Variants in AP5S1 observed in about 807,000 individuals in gnomAD.
The protein encoded by AP5S1 is adaptor related protein complex 5 subunit sigma 1.
AP5S1 carries 13 observed loss-of-function variants against 13.9 expected under a neutral mutation model. The observed-to-expected ratio is 0.94, with a 90% confidence interval of 0.61 to 1.49. The LOEUF (loss-of-function observed/expected upper bound fraction) is 1.49. AP5S1 is among the 40% of genes most tolerant of loss of function. The probability of loss-of-function intolerance (pLI) is 0.00; values close to 1 mark genes in which losing one functional copy is unlikely to be tolerated. For synonymous variants in AP5S1, 132 were observed against 121.8 expected (o/e 1.08, Z -0.55); for missense variants, 292 against 272.3 (o/e 1.07, Z -0.51).
In AP5S1 at chr20:3,821,412, G is replaced by A. The variant is rs1005867459; in HGVS notation, c.-17+654G>A. Among the ~76,000 whole-genome samples, 82 of 151,274 alleles carry A rather than the reference G, an allele frequency of 5.4e-4. 1 individual carries two copies. The highest frequency in any genetic ancestry group is 2.8e-4 in the Non-Finnish European group (19 of 67,888). The stretch of plus-strand genomic sequence containing the variant: ...TTTGAGACAAGAGTTTCCCTCTGTC[G>A]CCCAGGCTGAAGTGCAGTGGTGCGA... On this transcript the variant is annotated intron_variant, in intron 1 of 2. Coordinates refer to ENST00000615891, the MANE Select transcript of AP5S1 (RefSeq NM_018347.3).
chr20:3,822,012 C>G, intron 1 of AP5S1, 90 bp from the exon 2 acceptor site: 1 of 1,490,298 alleles, frequency 6.7e-7, no homozygotes, highest in Non-Finnish European at 9.0e-7. Flanking sequence ...TGGATACACT[C>G]CCAGACACTG....
chr20:3,826,011 A>G lies in AP5S1; in HGVS notation c.*1714A>G, dbSNP rs2089622471. ...ACCACTTCAGTTTACATTGATTTTC[A>G]TGATCTTCCTGTTACCAAGGAAGGT... On this transcript the variant is annotated 3_prime_UTR_variant, in exon 3 of 3. Coordinates refer to ENST00000615891, the MANE Select transcript of AP5S1 (RefSeq NM_018347.3). 1 of 151,656 alleles carries G rather than the reference A, an allele frequency of 6.6e-6. No homozygotes were observed. Among genetic ancestry groups the G allele is most frequent in the Admixed American group, 6.6e-5 (1 of 15,244 alleles). The allele number at this position is 151,656 out of a possible 1,614,324, so 9.4% of individuals were successfully genotyped here.
In AP5S1 at chr20:3,824,156, G is replaced by A. The variant is rs138405532; in HGVS notation, c.462G>A (p.Ala154=). 2.3e-5 allele frequency: 37 copies of A among 1,613,854 alleles called. No individual in the cohort carries two copies. The African/African-American group carries it at 2.8e-4, about 12-fold the overall frequency. Residue 154 remains alanine, a synonymous_variant, in exon 3 of 3, where the codon GCG becomes GCA. Transcript: ENST00000615891. ...TCCTTGACCACCTCCGGCTGCTGGC[G>A]CCCAGCACCAGCCTTCTGCTGCGGG... The part of the protein sequence containing the change: ...RLLLDHLRLL[A]PSTSLLLRAD...
At chr20:3,821,127 CCT>C (rs762591651) in intron 1 of AP5S1, among the ~76,000 whole-genome samples, 1 of 152,164 alleles carries the variant, frequency 6.6e-6, no homozygotes, top group Non-Finnish European at 1.5e-5. Context: ...CTTATTATTT[CCT>C]CTGTTTTTCT....
At chr20:3,823,103 G>A (rs1219335938) in intron 2 of AP5S1, among the ~76,000 whole-genome samples, 1 of 152,192 alleles carries the variant, frequency 6.6e-6, no homozygotes, top group Non-Finnish European at 1.5e-5. Flanking sequence ...GGCTCAGACT[G>A]GAAGGTGATT....
Position 3,824,172 on chromosome 20 carries a change from C to T in AP5S1, c.478C>T (p.Leu160=), listed in dbSNP as rs1292535465. 1.2e-6 allele frequency: 2 copies of T among 1,614,162 alleles called. No individual in the cohort carries two copies. The highest frequency in any genetic ancestry group is 1.7e-6 in the Non-Finnish European group (2 of 1,180,050). Residue 160 remains leucine (L), a synonymous_variant, in exon 3 of 3, where the codon CTG becomes TTG. Transcript: ENST00000615891. The stretch of plus-strand genomic sequence containing the variant: ...GCTGCTGGCGCCCAGCACCAGCCTT[C>T]TGCTGCGGGCTGACCGCATTGAGGG... The part of the protein sequence containing the change: ...LRLLAPSTSL[L]LRADRIEGIL...
rs1368603857 is a variant in AP5S1 at position 3,824,404 on chromosome 20, A to C, written c.*107A>C. 8.6e-7 allele frequency: 1 copy of C among 1,167,312 alleles called. No homozygotes were observed. Among genetic ancestry groups the C allele is most frequent in the African/African-American group, 1.5e-5 (1 of 64,740 alleles). 72.3% of individuals were successfully genotyped at this position (1,167,312 alleles called of 1,614,324 possible). A position where few individuals can be genotyped will look rare whatever the true frequency, so the allele number is the denominator to read the frequency against. On this transcript the variant is annotated 3_prime_UTR_variant, in exon 3 of 3. Transcript: ENST00000615891. The stretch of plus-strand genomic sequence containing the variant: ...AGCAGCTCTGATGTGCTGCTATACC[A>C]GGACAAGTGGGTGACACAAGCCTGC...
Position 3,824,229 on chromosome 20 carries a change from CT to C in AP5S1, c.536del (p.Leu179ArgfsTer31), listed in dbSNP as rs752569470. The C allele has an allele frequency of 6.2e-7, 1 of 1,614,230 alleles. No homozygotes were observed. Among genetic ancestry groups the C allele is most frequent in the South Asian group, 1.1e-5 (1 of 91,090 alleles). On this transcript the variant is annotated frameshift_variant, in exon 3 of 3. Coordinates refer to ENST00000615891, the MANE Select transcript of AP5S1 (RefSeq NM_018347.3). LOFTEE classifies it high-confidence loss of function. ...CACCCGCTTCCTGCCACATGGTCAG[CT>C]GCTTTTCCTCAACGACCAGTTTGTC... ...ILTRFLPHGQ[L>X]LFLNDQFVQG...
At chr20:3,823,266 T>G (rs1486014076) in intron 2 of AP5S1, among the ~76,000 whole-genome samples, 1 of 152,088 alleles carries the variant, frequency 6.6e-6, no homozygotes, top group Non-Finnish European at 1.5e-5. Context: ...TTCCTTTTTT[T>G]GAGATGGAGT....
intron 2 of AP5S1, 94 bp from the exon 3 acceptor site, chr20:3,823,777 T>C (rs991560788): frequency 1.8e-5 from 27 of 1,525,252 alleles, no homozygotes; most frequent in African/African-American, 1.4e-4. Flanking sequence ...ACTTGAGATA[T>C]GGGGATGATG....
chr20:3,822,239 A>G lies in AP5S1; in HGVS notation c.122A>G (p.His41Arg), dbSNP rs777705227. Residue 41 changes from histidine to arginine, a missense_variant, in exon 2 of 3, where the codon CAT becomes CGT. Coordinates refer to ENST00000615891, the MANE Select transcript of AP5S1 (RefSeq NM_018347.3). ...AEKSPDDPRP[H>R]GAERDRLLRK... ...AAGTCACCTGATGACCCACGGCCGC[A>G]TGGTGCCGAGAGGGACAGGCTTCTC... 3.7e-6 allele frequency: 6 copies of G among 1,614,128 alleles called. No individual in the cohort carries two copies. The highest frequency in any genetic ancestry group is 2.5e-6 in the Non-Finnish European group (3 of 1,180,016).
At chr20:3,821,874 TTTTC>T in intron 1 of AP5S1, 3 of 958,442 alleles carry the variant, frequency 3.1e-6, no homozygotes, top group Non-Finnish European at 3.7e-6. Context: ...TGTTTTTCTT[TTTTC>T]TTTTTTTTTT....
intron 2 of AP5S1, 146 bp from the exon 3 acceptor site, chr20:3,823,725 C>G: frequency 6.8e-7 from 1 of 1,471,288 alleles, no homozygotes; most frequent in Non-Finnish European, 8.9e-7. Flanking sequence ...GATTCTGTGG[C>G]CCTGGGCAGA....
Position 3,823,922 on chromosome 20 carries a change from C to T in AP5S1, c.228C>T (p.Pro76=), listed in dbSNP as rs1182006534. The T allele has an allele frequency of 5.6e-6, 9 of 1,604,580 alleles. No homozygotes were observed. Among genetic ancestry groups the T allele is most frequent in the South Asian group, 1.1e-5 (1 of 91,076 alleles). Residue 76 remains proline (P), a synonymous_variant, in exon 3 of 3, where the codon CCC becomes CCT. Coordinates refer to ENST00000615891, the MANE Select transcript of AP5S1 (RefSeq NM_018347.3). ...AGCAGCAGGCATCTGGCCGGCCCCC[C>T]ATGGACCTGCAGCCGCAATCCTCAG... ...RLQQQASGRP[P]MDLQPQSSDE...
chr20:3,825,843 G>A lies in AP5S1; in HGVS notation c.*1546G>A, dbSNP rs1463107892. ...CCCTGAGAAAAAGCCTTCAGGCAAT[G>A]TGGAGCTGGGCCTGCCTGCACCATG... On this transcript the variant is annotated 3_prime_UTR_variant, in exon 3 of 3. Transcript: ENST00000615891. The A allele has an allele frequency of 1.3e-5, 2 of 151,918 alleles. No individual in the cohort carries two copies. Among genetic ancestry groups the A allele is most frequent in the Non-Finnish European group, 2.9e-5 (2 of 67,990 alleles). The allele number at this position is 151,918 out of a possible 1,614,324, so 9.4% of individuals were successfully genotyped here.
chr20:3,823,444 G>C (rs2089598875), intron 2 of AP5S1: 1 of 665,762 alleles, frequency 1.5e-6, no homozygotes, highest in Admixed American at 6.3e-5. Flanking sequence ...GTAGAGACGG[G>C]GTTTCACTAT....
chr20:3,826,135 A>G lies in AP5S1; in HGVS notation c.*1838A>G, dbSNP rs2089623239. The G allele has an allele frequency of 6.6e-6, 1 of 152,112 alleles. No individual in the cohort carries two copies. The highest frequency in any genetic ancestry group is 2.1e-4 in the South Asian group (1 of 4,822). 9.4% of individuals were successfully genotyped at this position (152,112 alleles called of 1,614,324 possible). On this transcript the variant is annotated 3_prime_UTR_variant, in exon 3 of 3. Coordinates refer to ENST00000615891, the MANE Select transcript of AP5S1 (RefSeq NM_018347.3). The stretch of plus-strand genomic sequence containing the variant: ...ATCCAGGATGGACCCAACTACACCC[A>G]CTTTGGAGGCAGCACTGATGATTAG...
rs74576522 is a variant in AP5S1 at position 3,821,710 on chromosome 20, C to T, written c.-16-392C>T. On this transcript the variant is annotated intron_variant, in intron 1 of 2. Transcript: ENST00000615891. ...GTCCAGGACCCGATCCAGGAGTACA[C>T]GTCGCATTCAGCTATCTGGTCTCTT... Among the ~76,000 whole-genome samples, 669 of 152,182 alleles carry T rather than the reference C, an allele frequency of 4.4e-3. 2 individuals are homozygous for T. Among genetic ancestry groups the T allele is most frequent in the African/African-American group, 0.015 (632 of 41,512 alleles).
In AP5S1 at chr20:3,827,631, A is replaced by G. The variant is rs944255268; in HGVS notation, c.*3334A>G. ...GTGGGTCACTGATTGGGTCACATAC[A>G]CTGCATGTATGTGAGCCCTGGGATG... On this transcript the variant is annotated 3_prime_UTR_variant, in exon 3 of 3. Transcript: ENST00000615891. 1.3e-5 allele frequency: 2 copies of G among 152,230 alleles called. No individual in the cohort carries two copies. The highest frequency in any genetic ancestry group is 4.8e-5 in the African/African-American group (2 of 41,440). 9.4% of individuals were successfully genotyped at this position (152,230 alleles called of 1,614,324 possible).
Sources: gnomAD v4.1 joint callset for allele counts (sites outside exome capture counted in the v4.1 genomes callset) on GRCh38, gnomAD v4.1.1 for gene constraint, MANE v1.5 for transcripts, NCBI Gene and HGNC (gene_info 2026-07-23, HGNC 2026-07-21) for gene names.